The following ATXN7L1 variants were observed in gnomAD, a reference collection of about 807,000 sequenced individuals.
The protein encoded by ATXN7L1 is ataxin-7-like protein 1.
ATXN7L1 carries 15 observed loss-of-function variants against 70.8 expected under a neutral mutation model. The ratio of observed to expected loss-of-function variants is 0.21; its 90% CI spans 0.14 to 0.33. The LOEUF (loss-of-function observed/expected upper bound fraction) is 0.33, where lower values mean the gene tolerates loss of function less well. Among genes scored for constraint, ATXN7L1 ranks in the 10% least tolerant of loss-of-function variants. ATXN7L1 has a pLI of 1.00. For synonymous variants in ATXN7L1, 440 were observed against 445.1 expected (o/e 0.99, Z 0.14); for missense variants, 975 against 1,097.1 (o/e 0.89, Z 1.57).
intron 3 of ATXN7L1, among the ~76,000 whole-genome samples, chr7:105,719,316 C>T (rs577990594): frequency 1.8e-4 from 27 of 152,246 alleles, no homozygotes; most frequent in Non-Finnish European, 3.2e-4. Context: ...GAGTAGCCCC[C>T]GCCCTACAGG....
chr7:105,875,634 C>CCA (rs901807096), intron 2 of ATXN7L1, among the ~76,000 whole-genome samples, 178 bp downstream of exon 2: 1 of 126,144 alleles, frequency 7.9e-6, no homozygotes, highest in African/African-American at 2.7e-5. Context: ...TTTACCCCCC[C>CCA]CCCAGTTGTA....
chr7:105,641,212 CTCT>C (rs1562939341), intron 5 of ATXN7L1, among the ~76,000 whole-genome samples: 1 of 64,034 alleles, frequency 1.6e-5, no homozygotes, highest in Admixed American at 1.9e-4. Context: ...CTCTCTCTCT[CTCT>C]TTTTTTTTTT....
intron 7 of ATXN7L1, among the ~76,000 whole-genome samples, chr7:105,629,560 G>A (rs1796269204): frequency 6.6e-6 from 1 of 150,622 alleles, no homozygotes; most frequent in East Asian, 1.9e-4. Flanking sequence ...CTGTCACCCA[G>A]GCTGGAGTGC....
chr7:105,824,785 C>T (rs1050535605), intron 2 of ATXN7L1, among the ~76,000 whole-genome samples: 30 of 151,824 alleles, frequency 2.0e-4, no homozygotes, highest in Admixed American at 1.3e-4. Context: ...AAAGGGCCCA[C>T]CAGTGGAGTG....
At chr7:105,810,420 C>T (rs1191377400) in intron 2 of ATXN7L1, among the ~76,000 whole-genome samples, 5 of 152,098 alleles carry the variant, frequency 3.3e-5, no homozygotes, top group Admixed American at 6.5e-5. Context: ...TAAGTATTCC[C>T]AATAATGTCT....
chr7:105,840,960 C>G (rs1007302497), intron 2 of ATXN7L1, among the ~76,000 whole-genome samples: 1 of 152,180 alleles, frequency 6.6e-6, no homozygotes, highest in African/African-American at 2.4e-5. Flanking sequence ...GGACATAAGA[C>G]AATCCTAATG....
chr7:105,680,397 C>T (rs1266500203), intron 3 of ATXN7L1, among the ~76,000 whole-genome samples: 1 of 152,222 alleles, frequency 6.6e-6, no homozygotes, highest in Non-Finnish European at 1.5e-5. Context: ...CTTCTGGGTT[C>T]TTGGCTTCCT....
chr7:105,799,782 T>C (rs977066769), intron 2 of ATXN7L1, among the ~76,000 whole-genome samples: 11 of 152,104 alleles, frequency 7.2e-5, no homozygotes, highest in Admixed American at 3.9e-4. Context: ...GTAATGTCCC[T>C]GGGAATCGGT....
chr7:105,622,690 G>C (rs1032046112), intron 8 of ATXN7L1, among the ~76,000 whole-genome samples: 7 of 152,196 alleles, frequency 4.6e-5, no homozygotes, highest in African/African-American at 1.7e-4. Flanking sequence ...TCTCTGCTGC[G>C]AATTGATCCG....
intron 2 of ATXN7L1, among the ~76,000 whole-genome samples, chr7:105,789,619 G>C (rs1360314162): frequency 6.6e-6 from 1 of 152,140 alleles, no homozygotes. Context: ...AAGGAAGGAG[G>C]CTCTGTGCAT....
At chr7:105,791,707 G>T (rs1343800774) in intron 2 of ATXN7L1, among the ~76,000 whole-genome samples, 1 of 152,092 alleles carries the variant, frequency 6.6e-6, no homozygotes, top group Non-Finnish European at 1.5e-5. Flanking sequence ...ATCTCATTTC[G>T]ACTTAAAGTC....
chr7:105,703,887 AC>A (rs1792797502), intron 3 of ATXN7L1, among the ~76,000 whole-genome samples: 1 of 152,206 alleles, frequency 6.6e-6, no homozygotes. Context: ...AGCTTCCCAA[AC>A]AAGCTGAATC....
chr7:105,875,635 C>CCG (rs1238525335), intron 2 of ATXN7L1, among the ~76,000 whole-genome samples, 177 bp downstream of exon 2: 4 of 127,584 alleles, frequency 3.1e-5, no homozygotes, highest in African/African-American at 5.4e-5. Context: ...TTACCCCCCC[C>CCG]CCAGTTGTAT....
At chr7:105,747,655 G>A (rs1798729445) in intron 3 of ATXN7L1, among the ~76,000 whole-genome samples, 1 of 152,198 alleles carries the variant, frequency 6.6e-6, no homozygotes, top group African/African-American at 2.4e-5. Flanking sequence ...CTTGCAACTG[G>A]TGGGACAGTG....
At chr7:105,867,436 C>T (rs1226234586) in intron 2 of ATXN7L1, among the ~76,000 whole-genome samples, 1 of 152,166 alleles carries the variant, frequency 6.6e-6, no homozygotes, top group Non-Finnish European at 1.5e-5. Flanking sequence ...AGAATTGATG[C>T]TTTGGGTCTC....
At chr7:105,729,820 C>A (rs1796329970) in intron 3 of ATXN7L1, among the ~76,000 whole-genome samples, 1 of 151,520 alleles carries the variant, frequency 6.6e-6, no homozygotes, top group Non-Finnish European at 1.5e-5. Flanking sequence ...TCACTGCAAG[C>A]TCTGCCTCCC....
chr7:105,607,753 C>G lies in ATXN7L1; in HGVS notation c.*99G>C. ...TCACAGGGAGTGCACAGAAAACAGA[C>G]TCTCCCCCCAGCCCACTCCCCTCCC... On this transcript the variant is annotated 3_prime_UTR_variant, in exon 12 of 12. Transcript: ENST00000419735. The G allele has an allele frequency of 4.5e-6, 5 of 1,101,678 alleles. No individual in the cohort carries two copies. The highest frequency in any genetic ancestry group is 6.7e-6 in the Non-Finnish European group (5 of 746,040). The allele number at this position is 1,101,678 out of a possible 1,614,324, so 68.2% of individuals were successfully genotyped here. A position where few individuals can be genotyped will look rare whatever the true frequency, so the allele number is the denominator to read the frequency against.
intron 2 of ATXN7L1, among the ~76,000 whole-genome samples, chr7:105,840,224 T>A (rs771783651): frequency 1.3e-5 from 2 of 152,126 alleles, no homozygotes; most frequent in Non-Finnish European, 2.9e-5. Flanking sequence ...CAATCCGATC[T>A]GAGTTCTGGA....
chr7:105,717,132 T>G (rs1794660951), intron 3 of ATXN7L1, among the ~76,000 whole-genome samples: 1 of 152,088 alleles, frequency 6.6e-6, no homozygotes. Context: ...TGTTATAAAT[T>G]TATTTATTTT....
Sources: gnomAD v4.1 joint callset for allele counts (sites outside exome capture counted in the v4.1 genomes callset) on GRCh38, gnomAD v4.1.1 for gene constraint, MANE v1.5 for transcripts, NCBI Gene and HGNC (gene_info 2026-07-23, HGNC 2026-07-21) for gene names.